Variants in TYW1 observed in about 807,000 individuals in gnomAD.
TYW1 encodes the protein S-adenosyl-L-methionine-dependent tRNA 4-demethylwyosine synthase TYW1.
Under a neutral mutation model 96.2 loss-of-function variants are expected in TYW1, and 46 were observed. The observed-to-expected ratio is 0.48, with a 90% CI of 0.38 to 0.61. TYW1 has a LOEUF of 0.61. Ranked by LOEUF, TYW1 falls within the 20% of genes least tolerant of loss-of-function variation. TYW1 has a pLI of 0.00. For missense variants in TYW1, 684 were observed against 909.6 expected, an observed-to-expected ratio of 0.75 and a Z score of 3.19; for synonymous variants, 274 against 323.0, an observed-to-expected ratio of 0.85 and a Z score of 1.63.
At chr7:67,126,917 T>A (rs1023686060) in intron 13 of TYW1, among the ~76,000 whole-genome samples, 2 of 152,126 alleles carry the variant, frequency 1.3e-5, no homozygotes, top group African/African-American at 4.8e-5. Context: ...TGTTTTCTAT[T>A]TGTTGGTCTT....
In TYW1 at chr7:67,013,584, T is replaced by C. The variant is rs375434350; in HGVS notation, c.376-783T>C. 2.7e-3 allele frequency among the ~76,000 whole-genome samples: 416 copies of C among 152,182 alleles called. 3 individuals carry two copies. The highest frequency in any genetic ancestry group is 5.3e-3 in the African/African-American group (222 of 41,540). On this transcript the variant is annotated intron_variant, in intron 4 of 15. Transcript: ENST00000359626. ...GGGTAAGCAAGGTCACCACATTCCT[T>C]GTCTTTCTGACACCACAGAGCAGCT... is the stretch of plus-strand genomic sequence containing the variant.
chr7:67,223,124 T>C (rs1801451229), intron 15 of TYW1, among the ~76,000 whole-genome samples: 1 of 152,216 alleles, frequency 6.6e-6, no homozygotes, highest in Non-Finnish European at 1.5e-5. Flanking sequence ...AGAGCATCTT[T>C]AAGATCGCTG....
intron 15 of TYW1, among the ~76,000 whole-genome samples, chr7:67,209,363 G>T (rs1158636428): frequency 6.6e-6 from 1 of 152,146 alleles, no homozygotes; most frequent in Non-Finnish European, 1.5e-5. Context: ...TGTAACCTTG[G>T]TCCTATCAGT....
At chr7:67,209,299 T>A (rs1187060744) in intron 15 of TYW1, among the ~76,000 whole-genome samples, 1 of 152,182 alleles carries the variant, frequency 6.6e-6, no homozygotes, top group African/African-American at 2.4e-5. Context: ...AGGGGGTGGC[T>A]GGGAGAAGGT....
intron 11 of TYW1, among the ~76,000 whole-genome samples, chr7:67,084,216 T>A (rs1961734): frequency 0.11 from 15,977 of 152,020 alleles, 896 homozygotes; most frequent in Middle Eastern, 0.16. Context: ...TCTTAAATAA[T>A]GTTAGTTAGT....
intron 7 of TYW1, among the ~76,000 whole-genome samples, chr7:67,034,850 C>T (rs572711130): frequency 1.1e-3 from 173 of 152,206 alleles, no homozygotes; most frequent in Middle Eastern, 3.4e-3. Flanking sequence ...ATTGAAATTC[C>T]GGCGTCAAAG....
chr7:67,101,197 T>G (rs1797078782), intron 12 of TYW1, among the ~76,000 whole-genome samples: 1 of 152,142 alleles, frequency 6.6e-6, no homozygotes, highest in Admixed American at 6.5e-5. Flanking sequence ...GCCCACTGTT[T>G]TACTGGGGCC....
chr7:67,151,777 G>A (rs1278130261), intron 13 of TYW1, among the ~76,000 whole-genome samples: 2 of 150,786 alleles, frequency 1.3e-5, no homozygotes, highest in African/African-American at 4.9e-5. Context: ...AGTTTTATTG[G>A]AACACAGCCA....
At position 67,067,492 on chromosome 7, in the gene TYW1, G is replaced by C. The variant is rs1431347012; in HGVS notation, c.1274+89G>C. 4 of 1,420,868 alleles carry C rather than the reference G, an allele frequency of 2.8e-6. No homozygotes were observed. In the South Asian group the frequency reaches 4.8e-5, roughly 17 times the overall value. 88.0% of individuals were successfully genotyped at this position (1,420,868 alleles called of 1,614,324 possible). A position where few individuals can be genotyped will look rare whatever the true frequency, so the allele number is the denominator to read the frequency against. On this transcript the variant is annotated intron_variant, in intron 10 of 15. Coordinates refer to ENST00000359626, the MANE Select transcript of TYW1 (RefSeq NM_018264.4). ...AGCTCACACTCAGACTTACCTAAGAGCTCTGCTGTCTTGGTGATTAATCTT... is the reference window on the plus strand; with the variant it reads ...AGCTCACACTCAGACTTACCTAAGACCTCTGCTGTCTTGGTGATTAATCTT...
intron 7 of TYW1, among the ~76,000 whole-genome samples, chr7:67,046,427 A>C (rs552542899): frequency 8.0e-4 from 122 of 152,288 alleles, no homozygotes; most frequent in African/African-American, 2.8e-3. Context: ...ATTGAACCAG[A>C]TTGGGCTAGT....
Position 66,998,107 on chromosome 7 carries a change from C to T in TYW1, c.47C>T (p.Ser16Leu). The T allele has an allele frequency of 6.2e-7, 1 of 1,611,692 alleles. No individual in the cohort carries two copies. Among genetic ancestry groups the T allele is most frequent in the Non-Finnish European group, 8.5e-7 (1 of 1,179,448 alleles). Reference sequence around the variant, plus strand: ...TGGGACCTCTTCTCACCTTTAATATCATTATGGATAAACAGGTTTTACATT... The same window carrying T: ...TGGGACCTCTTCTCACCTTTAATATTATTATGGATAAACAGGTTTTACATT... Reference protein sequence around the residue: ...DTWDLFSPLISLWINRFYIYL... With the variant: ...DTWDLFSPLILLWINRFYIYL... The change falls in exon 2 of 16, where the codon TCA becomes TTA. Residue 16 changes from serine (S) to leucine (L), a missense_variant. Coordinates refer to ENST00000359626, the MANE Select transcript of TYW1 (RefSeq NM_018264.4).
chr7:67,137,054 C>CTCAGGTGATT (rs56032222), intron 13 of TYW1, among the ~76,000 whole-genome samples: 1 of 147,444 alleles, frequency 6.8e-6, no homozygotes, highest in African/African-American at 2.6e-5. Context: ...AACTTCTGAT[C>CTCAGGTGATT]CACCCACCCT....
At chr7:67,043,881 C>T (rs1224601177) in intron 7 of TYW1, among the ~76,000 whole-genome samples, 2 of 152,034 alleles carry the variant, frequency 1.3e-5, no homozygotes, top group African/African-American at 4.8e-5. Flanking sequence ...AAAAGCTTTG[C>T]GTAATGGTGA....
At chr7:67,220,114 T>TTTC (rs1801336210) in intron 15 of TYW1, among the ~76,000 whole-genome samples, 1 of 150,930 alleles carries the variant, frequency 6.6e-6, no homozygotes, top group Non-Finnish European at 1.5e-5. Flanking sequence ...TCCCTTGTGA[T>TTTC]TTCTTCTGTG....
chr7:67,018,036 TGTG>T lies in TYW1; in HGVS notation c.756_758del (p.Gly254del). ...TCAGAAAGGGGAGAGAAAGAAGTCC[TGTG>T]GCGGCCACTGCAAGAAAGGCAAATG... On this transcript the variant is annotated inframe_deletion, in exon 6 of 16. Transcript: ENST00000359626. 1 of 1,614,136 alleles carries T rather than the reference TGTG, an allele frequency of 6.2e-7. No individual in the cohort carries two copies. Among genetic ancestry groups the T allele is most frequent in the East Asian group, 2.2e-5 (1 of 44,886 alleles).
At chr7:67,002,446 A>G (rs1275039820) in intron 3 of TYW1, among the ~76,000 whole-genome samples, 1 of 152,134 alleles carries the variant, frequency 6.6e-6, no homozygotes, top group East Asian at 1.9e-4. Flanking sequence ...TGTGTAGAAG[A>G]CTATTAAAAA....
At chr7:67,164,626 G>C (rs28729948) in intron 13 of TYW1, among the ~76,000 whole-genome samples, 12 of 146,880 alleles carry the variant, frequency 8.2e-5, no homozygotes, top group Non-Finnish European at 1.2e-4. Flanking sequence ...AAAAAAAAAA[G>C]TTACCCCTTG....
At chr7:67,222,155 CCA>C (rs890795834) in intron 15 of TYW1, among the ~76,000 whole-genome samples, 1 of 151,988 alleles carries the variant, frequency 6.6e-6, no homozygotes, top group African/African-American at 2.4e-5. Flanking sequence ...TGAGATCGCA[CCA>C]CTACACTCCA....
At chr7:67,169,047 T>G (rs1799442055) in intron 13 of TYW1, among the ~76,000 whole-genome samples, 1 of 152,180 alleles carries the variant, frequency 6.6e-6, no homozygotes, top group African/African-American at 2.4e-5. Flanking sequence ...TAACTCTTGT[T>G]AAATTTTTTT....
Sources: gnomAD v4.1 joint callset for allele counts (sites outside exome capture counted in the v4.1 genomes callset) on GRCh38, gnomAD v4.1.1 for gene constraint, MANE v1.5 for transcripts, NCBI Gene and HGNC (gene_info 2026-07-23, HGNC 2026-07-21) for gene names.